The following HIPK3 variants were observed in gnomAD, a reference collection of about 807,000 sequenced individuals.
The protein encoded by HIPK3 is homeodomain-interacting protein kinase 3.
Under a neutral mutation model 124.2 loss-of-function variants are expected in HIPK3, and 47 were observed. The observed-to-expected ratio is 0.38, with a 90% confidence interval of 0.30 to 0.48. The LOEUF (loss-of-function observed/expected upper bound fraction) is 0.48, where lower values mean the gene tolerates loss of function less well. Ranked by LOEUF, HIPK3 falls within the 20% of genes least tolerant of loss-of-function variation. The probability of loss-of-function intolerance (pLI) is 0.98; values close to 1 mark genes in which losing one functional copy is unlikely to be tolerated. For synonymous variants in HIPK3, 482 were observed against 515.2 expected, an observed-to-expected ratio of 0.94 and a Z score of 0.87; for missense variants, 1,286 against 1,454.3, an observed-to-expected ratio of 0.88 and a Z score of 1.88.
At chr11:33,261,176 TA>T (rs1260732326) in intron 1 of HIPK3, among the ~76,000 whole-genome samples, 4 of 147,228 alleles carry the variant, frequency 2.7e-5, no homozygotes, top group South Asian at 4.2e-4. Flanking sequence ...ATACATTATA[TA>T]AAATATATAT....
At chr11:33,291,324 T>G (rs988429471) in intron 2 of HIPK3, among the ~76,000 whole-genome samples, 21 of 152,194 alleles carry the variant, frequency 1.4e-4, no homozygotes, top group Non-Finnish European at 2.5e-4. Flanking sequence ...AAGCAGGAAG[T>G]GGAAACTAAC....
At chr11:33,322,639 A>G (rs1247190012) in intron 2 of HIPK3, among the ~76,000 whole-genome samples, 2 of 152,108 alleles carry the variant, frequency 1.3e-5, no homozygotes, top group Non-Finnish European at 2.9e-5. Context: ...CAGCCTGGCC[A>G]ATGTGGCGAA....
intron 3 of HIPK3, among the ~76,000 whole-genome samples, chr11:33,336,223 C>T (rs1853143725): frequency 6.6e-6 from 1 of 152,114 alleles, no homozygotes; most frequent in African/African-American, 2.4e-5. Flanking sequence ...GAGAGCCATA[C>T]AGATATCTAG....
chr11:33,353,793 T>C lies in HIPK3; in HGVS notation c.*225T>C. On this transcript the variant is annotated 3_prime_UTR_variant, in exon 17 of 17. Coordinates refer to ENST00000303296, the MANE Select transcript of HIPK3 (RefSeq NM_005734.5). ...TTCTTATGTAGTAACTCTAGACAGG[T>C]GACTTATGGGAGCAGAAGTCCAGTT... 4.2e-6 allele frequency: 2 copies of C among 479,770 alleles called. No individual in the cohort carries two copies. The highest frequency in any genetic ancestry group is 3.9e-5 in the East Asian group (1 of 25,582). 29.7% of individuals were successfully genotyped at this position (479,770 alleles called of 1,614,324 possible). A position where few individuals can be genotyped will look rare whatever the true frequency, so the allele number is the denominator to read the frequency against.
chr11:33,326,933 G>T (rs1404140516), intron 2 of HIPK3, among the ~76,000 whole-genome samples: 7 of 151,950 alleles, frequency 4.6e-5, no homozygotes, highest in African/African-American at 1.7e-4. Context: ...CTACCATGTT[G>T]GCCTCCCAAA....
At chr11:33,280,688 C>T (rs1176503592) in intron 1 of HIPK3, among the ~76,000 whole-genome samples, 1 of 152,166 alleles carries the variant, frequency 6.6e-6, no homozygotes, top group East Asian at 1.9e-4. Context: ...GATTGCCTTC[C>T]AGCTTGGCAT....
chr11:33,310,700 G>C (rs558785031), intron 2 of HIPK3, among the ~76,000 whole-genome samples: 1 of 152,196 alleles, frequency 6.6e-6, no homozygotes, highest in Admixed American at 6.5e-5. Flanking sequence ...ATAGCTACAT[G>C]TGCAGATAGA....
rs1057433733 is a variant in HIPK3, at chr11:33,338,932, A to G, written c.1428+89A>G. On this transcript the variant is annotated intron_variant, in intron 5 of 16. Transcript: ENST00000303296. The stretch of plus-strand genomic sequence containing the variant: ...GCCCAAAACATGTTACTCAGTTTTT[A>G]AATGGCTACAGAGTCCATGCTGTTT... 2.5e-4 allele frequency: 207 copies of G among 828,632 alleles called. 3 individuals are homozygous for G. The highest frequency in any genetic ancestry group is 3.6e-5 in the Non-Finnish European group (18 of 505,588). The allele number at this position is 828,632 out of a possible 1,614,324, so 51.3% of individuals were successfully genotyped here. A position where few individuals can be genotyped will look rare whatever the true frequency, so the allele number is the denominator to read the frequency against.
chr11:33,267,517 A>G (rs1039074385), intron 1 of HIPK3, among the ~76,000 whole-genome samples: 2 of 150,438 alleles, frequency 1.3e-5, no homozygotes, highest in Non-Finnish European at 3.0e-5. Flanking sequence ...TTTTTTTGAG[A>G]CGGAGTCTCG....
chr11:33,316,204 G>T (rs1021542272), intron 2 of HIPK3, among the ~76,000 whole-genome samples: 1 of 152,148 alleles, frequency 6.6e-6, no homozygotes, highest in African/African-American at 2.4e-5. Flanking sequence ...AGAATGTTGA[G>T]GGTTTGTTGC....
rs1309402199 is a variant in HIPK3 at position 33,343,599 on chromosome 11, G to C, written c.1897+1913G>C. Among the ~76,000 whole-genome samples the C allele has an allele frequency of 4.6e-5, 7 of 151,990 alleles. No homozygotes were observed. In the East Asian group the frequency reaches 1.3e-3, roughly 29 times the overall value. On this transcript the variant is annotated intron_variant, in intron 8 of 16. Coordinates refer to ENST00000303296, the MANE Select transcript of HIPK3 (RefSeq NM_005734.5). ...CCAGCCTCTGATTTTTTAATTTTAAGCATTCAAGCAACTCTAAAACTTTTT... is the reference window on the plus strand; with the variant it reads ...CCAGCCTCTGATTTTTTAATTTTAACCATTCAAGCAACTCTAAAACTTTTT...
chr11:33,342,102 CAAAA>C (rs58073130), intron 8 of HIPK3, among the ~76,000 whole-genome samples: 1 of 55,616 alleles, frequency 1.8e-5, no homozygotes. Context: ...GACTCTGTCT[CAAAA>C]AAAAAAAAAA....
chr11:33,269,669 A>G (rs1003276049), intron 1 of HIPK3, among the ~76,000 whole-genome samples: 2 of 152,072 alleles, frequency 1.3e-5, no homozygotes, highest in Non-Finnish European at 2.9e-5. Context: ...TCTGGCCTCT[A>G]CTTGGATTTC....
Position 33,336,422 on chromosome 11 carries a change from A to G in HIPK3, c.1222-653A>G, listed in dbSNP as rs543102396. 1.2e-4 allele frequency among the ~76,000 whole-genome samples: 18 copies of G among 152,266 alleles called. No individual in the cohort carries two copies. The South Asian group carries it at 1.7e-3, about 14-fold the overall frequency. On this transcript the variant is annotated intron_variant, in intron 3 of 16. Coordinates refer to ENST00000303296, the MANE Select transcript of HIPK3 (RefSeq NM_005734.5). ...ATAGTAATTCACCCAGTGTTTATCAATCTAAATCTCTTTTGAATCCATTCC... is the reference window on the plus strand; with the variant it reads ...ATAGTAATTCACCCAGTGTTTATCAGTCTAAATCTCTTTTGAATCCATTCC...
intron 2 of HIPK3, among the ~76,000 whole-genome samples, chr11:33,326,122 A>G (rs747728317): frequency 2.4e-4 from 36 of 152,178 alleles, no homozygotes; most frequent in Non-Finnish European, 4.1e-4. Context: ...CAGCTTGTTC[A>G]TTATCCTCTG....
rs1054705885 is a variant in HIPK3 at position 33,355,671 on chromosome 11, T to C, written c.*2103T>C. 18 of 152,084 alleles carry C rather than the reference T, an allele frequency of 1.2e-4. No homozygotes were observed. The highest frequency in any genetic ancestry group is 4.1e-4 in the African/African-American group (17 of 41,544). The allele number at this position is 152,084 out of a possible 1,614,324, so 9.4% of individuals were successfully genotyped here. A position where few individuals can be genotyped will look rare whatever the true frequency, so the allele number is the denominator to read the frequency against. The stretch of plus-strand genomic sequence containing the variant: ...CAGTGTTTTATTTAATAATCATCAA[T>C]GAAATAAATGTGCCTGAAATTGATT... On this transcript the variant is annotated 3_prime_UTR_variant, in exon 17 of 17. Transcript: ENST00000303296.
rs549542470 is a variant in HIPK3 at position 33,352,282 on chromosome 11, A to T, written c.3171+17A>T. ...TTCAGTCAGGTATGTTCATTTGTGG[A>T]TATGTAGGAGTCTGTGGGATTCAAA... is the stretch of plus-strand genomic sequence containing the variant. On this transcript the variant is annotated intron_variant, in intron 16 of 16. Coordinates refer to ENST00000303296, the MANE Select transcript of HIPK3 (RefSeq NM_005734.5). 1.1e-5 allele frequency: 18 copies of T among 1,613,156 alleles called. No individual in the cohort carries two copies. Among genetic ancestry groups the T allele is most frequent in the Non-Finnish European group, 1.4e-5 (16 of 1,179,550 alleles).
chr11:33,285,579 ATAT>A (rs1238832458), intron 1 of HIPK3, among the ~76,000 whole-genome samples: 13 of 45,524 alleles, frequency 2.9e-4, no homozygotes, highest in South Asian at 8.8e-4. Flanking sequence ...AAAAAAAAAA[ATAT>A]ATATATATAT....
Position 33,276,117 on chromosome 11 carries a change from T to G in HIPK3, c.-2-10296T>G, listed in dbSNP as rs181344879. ...ATTCCTGTGTATTTTTCACCTAGAT[T>G]ATTCAAATGTTAACATTTTACTGCA... On this transcript the variant is annotated intron_variant, in intron 1 of 16. Transcript: ENST00000303296. 2.5e-3 allele frequency among the ~76,000 whole-genome samples: 374 copies of G among 152,394 alleles called. 3 individuals are homozygous for G. The highest frequency in any genetic ancestry group is 7.9e-3 in the African/African-American group (329 of 41,596).
Sources: allele counts gnomAD v4.1 joint callset (sites outside exome capture counted in the v4.1 genomes callset), GRCh38; gene constraint gnomAD v4.1.1; transcripts MANE v1.5; gene names NCBI Gene and HGNC (gene_info 2026-07-23, HGNC 2026-07-21).